Variants in TNKS1BP1 observed in about 807,000 individuals in gnomAD.
TNKS1BP1 encodes the protein CCR4-NOT transcription complex subunit 12, also known as 182 kDa tankyrase-1-binding protein.
TNKS1BP1 carries 48 observed loss-of-function variants against 141.1 expected under a neutral mutation model. The ratio of observed to expected loss-of-function variants is 0.34; its 90% CI spans 0.27 to 0.43. The LOEUF (loss-of-function observed/expected upper bound fraction) is 0.43, where lower values mean the gene tolerates loss of function less well. Ranked by LOEUF, TNKS1BP1 falls within the 20% of genes least tolerant of loss-of-function variation. The probability of loss-of-function intolerance (pLI) is 1.00; values close to 1 mark genes in which losing one functional copy is unlikely to be tolerated. For synonymous variants in TNKS1BP1, 875 were observed against 898.2 expected, an observed-to-expected ratio of 0.97 and a Z score of 0.46; for missense variants, 2,149 against 2,226.0, an observed-to-expected ratio of 0.97 and a Z score of 0.70.
At chr11:57,314,628 T>C (rs570736346) in intron 4 of TNKS1BP1, among the ~76,000 whole-genome samples, 2 of 152,290 alleles carry the variant, frequency 1.3e-5, no homozygotes, top group South Asian at 4.1e-4. Context: ...GGGAAATGTG[T>C]GCACTGGCCC....
chr11:57,302,535 C>A lies in TNKS1BP1; in HGVS notation c.4607G>T (p.Gly1536Val). The A allele has an allele frequency of 6.2e-7, 1 of 1,613,158 alleles. No homozygotes were observed. The highest frequency in any genetic ancestry group is 1.1e-5 in the South Asian group (1 of 90,874). Residue 1536 changes from glycine to valine, a missense_variant, in exon 7 of 12, where the codon GGG (glycine) becomes GTG (valine). By Grantham distance (109) the Gly-to-Val change is moderately radical (BLOSUM62 -3). Coordinates refer to ENST00000358252, the MANE Select transcript of TNKS1BP1 (RefSeq NM_033396.3). The surrounding 1 kb of genome is among the most constrained non-coding windows in gnomAD (Gnocchi z 5.5). ...GSSAARWSDQGPAQTSRRPSQ... is the reference protein window; with the variant it reads ...GSSAARWSDQVPAQTSRRPSQ... ...GGGTCGCCGAGAAGTCTGTGCTGGC[C>A]CCTGATCGCTCCACCTGGCTGCTGA... is the stretch of plus-strand genomic sequence containing the variant.
Position 57,302,991 on chromosome 11 carries a change from A to G in TNKS1BP1, c.4317-166T>C. 1 of 791,396 alleles carries G rather than the reference A, an allele frequency of 1.3e-6. No individual in the cohort carries two copies. The highest frequency in any genetic ancestry group is 3.1e-5 in the South Asian group (1 of 32,308). The allele number at this position is 791,396 out of a possible 1,614,324, so 49.0% of individuals were successfully genotyped here. A position where few individuals can be genotyped will look rare whatever the true frequency, so the allele number is the denominator to read the frequency against. On this transcript the variant is annotated intron_variant, in intron 6 of 11. Transcript: ENST00000358252. The surrounding 1 kb of genome is among the most constrained non-coding windows in gnomAD (Gnocchi z 5.5). The stretch of plus-strand genomic sequence containing the variant: ...CGGTCAGGGCCTTGAGCAACACAGC[A>G]CACAGGTGAAGAGCTGAGCCAGTCT...
rs150418810 is a variant in TNKS1BP1 at position 57,308,889 on chromosome 11, A to G, written c.3822T>C (p.Arg1274=). The part of the protein sequence containing the change: ...EAGEFLKSRE[R]GVGQADWTPD... ...GTGTCCAGTCTGCCTGTCCAACTCCACGCTCCCTTGATTTAAGGAACTCTC... is the reference window on the plus strand; with the variant it reads ...GTGTCCAGTCTGCCTGTCCAACTCCGCGCTCCCTTGATTTAAGGAACTCTC... The change falls in exon 6 of 12, where the codon CGT becomes CGC. Residue 1274 remains arginine (R), a synonymous_variant. Coordinates refer to ENST00000358252, the MANE Select transcript of TNKS1BP1 (RefSeq NM_033396.3). 181 of 1,613,332 alleles carry G rather than the reference A, an allele frequency of 1.1e-4. No homozygotes were observed. The highest frequency in any genetic ancestry group is 1.4e-4 in the Non-Finnish European group (171 of 1,179,942).
At position 57,302,188 on chromosome 11, in the gene TNKS1BP1, G is replaced by A. The variant is rs1471809009; in HGVS notation, c.4720C>T (p.Arg1574Cys). 3.7e-6 allele frequency: 6 copies of A among 1,613,092 alleles called. No individual in the cohort carries two copies. The highest frequency in any genetic ancestry group is 4.2e-6 in the Non-Finnish European group (5 of 1,179,924). ...CCACGCTTGCGCCCCAAGTTGGCACGGCTCCGATACATGGCACTGTCGAGG... is the reference window on the plus strand; with the variant it reads ...CCACGCTTGCGCCCCAAGTTGGCACAGCTCCGATACATGGCACTGTCGAGG... ...EILDSAMYRS[R>C]ANLGRKRGHR... Residue 1574 changes from arginine (R) to cysteine (C), a missense_variant, in exon 8 of 12, where the codon CGT becomes TGT. By Grantham distance (180) the Arg-to-Cys change is radical. Coordinates refer to ENST00000358252, the MANE Select transcript of TNKS1BP1 (RefSeq NM_033396.3). This position sits in a 1 kb window ranked among gnomAD's most constrained non-coding sequence, Gnocchi z 5.5.
In TNKS1BP1 at chr11:57,302,818, T is replaced by C; in HGVS notation, c.4324A>G (p.Arg1442Gly). 1.3e-6 allele frequency: 2 copies of C among 1,533,288 alleles called. No homozygotes were observed. The highest frequency in any genetic ancestry group is 1.2e-5 in the South Asian group (1 of 81,664). 95.0% of individuals were successfully genotyped at this position (1,533,288 alleles called of 1,614,324 possible). A position where few individuals can be genotyped will look rare whatever the true frequency, so the allele number is the denominator to read the frequency against. Reference protein sequence around the residue: ...EALSFGASPGRCPARPPPSGS... With the variant: ...EALSFGASPGGCPARPPPSGS... ...GAGGGTGGGGGGCGGGCCGGGCACC[T>C]GCCAGGGCTGTAAAGGGGACAGAGA... Residue 1442 changes from arginine to glycine, a missense_variant, in exon 7 of 12, where the codon AGG becomes GGG. Physicochemically the swap from Arg to Gly is moderately radical, Grantham distance 125. Coordinates refer to ENST00000358252, the MANE Select transcript of TNKS1BP1 (RefSeq NM_033396.3). This position sits in a 1 kb window ranked among gnomAD's most constrained non-coding sequence, Gnocchi z 5.5.
In TNKS1BP1 at chr11:57,301,881, G is replaced by A. The variant is rs1431224005; in HGVS notation, c.4897C>T (p.Arg1633Trp). Residue 1633 changes from arginine (R) to tryptophan (W), a missense_variant, in exon 9 of 12, where the codon CGG becomes TGG. Physicochemically the swap from Arg to Trp is moderately radical, Grantham distance 101. Transcript: ENST00000358252. ...EEVVEEPQSRRTRMSLGTKGL... is the reference protein window; with the variant it reads ...EEVVEEPQSRWTRMSLGTKGL... ...TTGGTGCCCAACGACATCCGTGTCC[G>A]GCGGCTCTGAGGTTCCTCCACTACC... 1.7e-5 allele frequency: 28 copies of A among 1,613,972 alleles called. No individual in the cohort carries two copies. The East Asian group carries it at 2.2e-4, about 13-fold the overall frequency.
intron 4 of TNKS1BP1, among the ~76,000 whole-genome samples, chr11:57,315,758 C>CCA (rs143642018): frequency 1.5e-4 from 23 of 150,932 alleles, no homozygotes; most frequent in Admixed American, 4.0e-4. Flanking sequence ...CCCCCCACCG[C>CCA]CACACACACA....
At chr11:57,322,207 C>G (rs1022884899) in intron 1 of TNKS1BP1, 1 of 1,126,092 alleles carries the variant, frequency 8.9e-7, no homozygotes, top group African/African-American at 1.6e-5. Flanking sequence ...GCTCCCTCCT[C>G]TGACAAGCTC....
intron 1 of TNKS1BP1, 31 bp from the exon 2 acceptor site, chr11:57,321,981 A>C: frequency 6.6e-7 from 1 of 1,526,012 alleles, no homozygotes; most frequent in South Asian, 1.3e-5. Context: ...GAAGGAAAAA[A>C]AGAGTTGGGC....
At chr11:57,300,416 A>C in intron 11 of TNKS1BP1, 112 bp downstream of exon 11, 1 of 988,920 alleles carries the variant, frequency 1.0e-6, no homozygotes, top group South Asian at 1.6e-5. Context: ...TGCTGTTTCT[A>C]AACTTGCACA....
chr11:57,313,983 TC>T, intron 4 of TNKS1BP1, 94 bp from the exon 5 acceptor site: 1 of 1,317,244 alleles, frequency 7.6e-7, no homozygotes, highest in Non-Finnish European at 9.7e-7. Flanking sequence ...GGTCAGCTTC[TC>T]CCAGGCTGGG....
chr11:57,308,998 A>C lies in TNKS1BP1; in HGVS notation c.3713T>G (p.Leu1238Trp), dbSNP rs760674768. The C allele has an allele frequency of 6.2e-7, 1 of 1,614,066 alleles. No individual in the cohort carries two copies. Among genetic ancestry groups the C allele is most frequent in the South Asian group, 1.1e-5 (1 of 91,072 alleles). ...GCCTCCTCCCTCCCCGACCTCAGCCAAATCTTTGCTCTTCACATTAACATC... is the reference window on the plus strand; with the variant it reads ...GCCTCCTCCCTCCCCGACCTCAGCCCAATCTTTGCTCTTCACATTAACATC... ...TSDVNVKSKD[L>W]AEVGEGGGHS... The change falls in exon 6 of 12, where the codon TTG becomes TGG. Residue 1238 changes from leucine to tryptophan, a missense_variant. Transcript: ENST00000358252.
chr11:57,316,580 G>C (rs890830880), intron 4 of TNKS1BP1, among the ~76,000 whole-genome samples: 1 of 152,092 alleles, frequency 6.6e-6, no homozygotes, highest in African/African-American at 2.4e-5. Context: ...GGTTGCTCAG[G>C]CCAAAAGCCG....
intron 6 of TNKS1BP1, 125 bp downstream of exon 6, chr11:57,308,270 C>A: frequency 7.4e-7 from 1 of 1,355,452 alleles, no homozygotes; most frequent in East Asian, 2.3e-5. Context: ...TCCAAAATGT[C>A]TCAATTACCC....
intron 5 of TNKS1BP1, chr11:57,311,422 T>G: frequency 1.0e-6 from 1 of 985,620 alleles, no homozygotes; most frequent in Non-Finnish European, 1.2e-6. Context: ...GGCGCAGGGA[T>G]AGAGCTGGGC....
chr11:57,323,294 A>G (rs539766030), intron 1 of TNKS1BP1, among the ~76,000 whole-genome samples: 57 of 151,690 alleles, frequency 3.8e-4, no homozygotes, highest in Non-Finnish European at 7.5e-4. Flanking sequence ...TTCTTCAGAT[A>G]CTCCAACCAC....
At position 57,312,632 on chromosome 11, in the gene TNKS1BP1, C is replaced by T; in HGVS notation, c.2056G>A (p.Asp686Asn). ...GGTGGTGGTGAAGCCAGGAGGTCGT[C>T]CAGCCAGCGGGAGCTGCTTTCAGGG... ...PGPESSSRWL[D>N]DLLASPPPSG... Residue 686 changes from aspartate (D) to asparagine (N), a missense_variant, in exon 5 of 12, where the codon GAC becomes AAC. Coordinates refer to ENST00000358252, the MANE Select transcript of TNKS1BP1 (RefSeq NM_033396.3). 1.3e-6 allele frequency: 2 copies of T among 1,578,094 alleles called. No individual in the cohort carries two copies. The highest frequency in any genetic ancestry group is 1.7e-6 in the Non-Finnish European group (2 of 1,163,218).
intron 9 of TNKS1BP1, among the ~76,000 whole-genome samples, chr11:57,301,250 C>T (rs370491241): frequency 1.2e-4 from 19 of 152,198 alleles, no homozygotes; most frequent in South Asian, 8.3e-4. Flanking sequence ...TCCTCAAAAA[C>T]ATATGGCAGG....
chr11:57,320,005 T>TCCCCAGCCCCCCCCCCCAACCCCCCC, intron 3 of TNKS1BP1, 74 bp downstream of exon 3: 1 of 1,555,206 alleles, frequency 6.4e-7, no homozygotes, highest in Non-Finnish European at 8.7e-7. Context: ...ATGCACTTGG[T>TCCCCAGCCCCCCCCCCCAACCCCCCC]CCCCAGCCCC....
Sources: gnomAD v4.1 joint callset for allele counts (sites outside exome capture counted in the v4.1 genomes callset) on GRCh38, gnomAD v4.1.1 for gene constraint, Gnocchi (gnomAD v3.1) non-coding constraint, MANE v1.5 for transcripts, NCBI Gene and HGNC (gene_info 2026-07-23, HGNC 2026-07-21) for gene names.